The following TNFRSF1A variants were observed in gnomAD, a reference collection of about 807,000 sequenced individuals.
The protein encoded by TNFRSF1A is TNF receptor superfamily member 1A.
A neutral mutation model predicts 41.6 loss-of-function variants in TNFRSF1A; 9 were observed. The ratio of observed to expected loss-of-function variants is 0.22; its 90% CI spans 0.13 to 0.38. The LOEUF is 0.38. Ranked by LOEUF, TNFRSF1A falls within the 10% of genes least tolerant of loss-of-function variation. The probability of loss-of-function intolerance (pLI) is 1.00; values close to 1 mark genes in which losing one functional copy is unlikely to be tolerated. For missense variants in TNFRSF1A, 463 were observed against 591.5 expected (o/e 0.78, Z 2.25); for synonymous variants, 254 against 248.6 (o/e 1.02, Z -0.21).
rs1948188963 is a variant in TNFRSF1A, at chr12:6,341,091, C to G, written c.39+685G>C. On this transcript the variant is annotated intron_variant, in intron 1 of 9. Coordinates refer to ENST00000162749, the MANE Select transcript of TNFRSF1A (RefSeq NM_001065.4). The surrounding 1 kb of genome is among the most constrained non-coding windows in gnomAD (Gnocchi z 4.6). Reference sequence around the variant, plus strand: ...CAGCGGCTACCTGCCTAGCAGCAGGCAAAAGGGTAAAGAATGTCCCCAGGT... The same window carrying G: ...CAGCGGCTACCTGCCTAGCAGCAGGGAAAAGGGTAAAGAATGTCCCCAGGT... Among the ~76,000 whole-genome samples, 1 of 152,082 alleles carries G rather than the reference C, an allele frequency of 6.6e-6. No homozygotes were observed. Among genetic ancestry groups the G allele is most frequent in the East Asian group, 1.9e-4 (1 of 5,182 alleles).
rs550983807 is a variant in TNFRSF1A, at chr12:6,337,352, A to G, written c.40-3108T>C. Among the ~76,000 whole-genome samples the G allele has an allele frequency of 3.9e-4, 59 of 152,146 alleles. No homozygotes were observed. Among genetic ancestry groups the G allele is most frequent in the Non-Finnish European group, 6.9e-4 (47 of 67,986 alleles). ...GAGGGGGTGGCCCAACACCCCTCCA[A>G]CTCCCCCACAATTTCCGCCAGAGGA... On this transcript the variant is annotated intron_variant, in intron 1 of 9. Coordinates refer to ENST00000162749, the MANE Select transcript of TNFRSF1A (RefSeq NM_001065.4). The surrounding 1 kb of genome is among the most constrained non-coding windows in gnomAD (Gnocchi z 4.6).
rs1948097635 is a variant in TNFRSF1A, at chr12:6,334,699, T to TA, written c.40-456dup. ...ATTTTTAGTAGAGGCAGGGTCTTGT[T>TA]ACGTTGCTCAGACTGGTCTCAAAAT... On this transcript the variant is annotated intron_variant, in intron 1 of 9. Transcript: ENST00000162749. This position sits in a 1 kb window ranked among gnomAD's most constrained non-coding sequence, Gnocchi z 5.1. 6.6e-6 allele frequency among the ~76,000 whole-genome samples: 1 copy of TA among 152,140 alleles called. No individual in the cohort carries two copies. Among genetic ancestry groups the TA allele is most frequent in the South Asian group, 2.1e-4 (1 of 4,832 alleles).
chr12:6,329,064 G>T lies in TNFRSF1A; in HGVS notation c.*248C>A. 1 of 410,246 alleles carries T rather than the reference G, an allele frequency of 2.4e-6. No homozygotes were observed. Among genetic ancestry groups the T allele is most frequent in the Non-Finnish European group, 4.3e-6 (1 of 235,144 alleles). 25.4% of individuals were successfully genotyped at this position (410,246 alleles called of 1,614,324 possible). The stretch of plus-strand genomic sequence containing the variant: ...ACCCAAAACGGGCATGAGGCATAGC[G>T]TCCCTCATCCTCGCAAACCACCCAC... On this transcript the variant is annotated 3_prime_UTR_variant, in exon 10 of 10. Coordinates refer to ENST00000162749, the MANE Select transcript of TNFRSF1A (RefSeq NM_001065.4).
Position 6,329,956 on chromosome 12 carries a change from G to A in TNFRSF1A, c.879C>T (p.Phe293=). Residue 293 remains phenylalanine, a synonymous_variant, in exon 9 of 10, where the codon TTC becomes TTT. Coordinates refer to ENST00000162749, the MANE Select transcript of TNFRSF1A (RefSeq NM_001065.4). ...LGFSPVPSST[F]TSSSTYTPGD... ...CGGGGGTATAGGTGGAGCTGGAGGTGAAGGTGGAACTGGGCACGGGACTGA... is the reference window on the plus strand; with the variant it reads ...CGGGGGTATAGGTGGAGCTGGAGGTAAAGGTGGAACTGGGCACGGGACTGA... 6.3e-7 allele frequency: 1 copy of A among 1,577,610 alleles called. No individual in the cohort carries two copies. Among genetic ancestry groups the A allele is most frequent in the Non-Finnish European group, 8.6e-7 (1 of 1,160,008 alleles).
At position 6,330,930 on chromosome 12, in the gene TNFRSF1A, AAAG is replaced by A; in HGVS notation, c.552-7_552-5del. ...GCACTCCAGGCTTTTCTTACAGCTA[AAAG>A]AAGAGACGGCACTGGTGAACAGAGG... On this transcript the variant is annotated splice_polypyrimidine_tract_variant and splice_region_variant and intron_variant, in intron 5 of 9. Transcript: ENST00000162749. 6.2e-7 allele frequency: 1 copy of A among 1,613,346 alleles called. No homozygotes were observed. Among genetic ancestry groups the A allele is most frequent in the Non-Finnish European group, 8.5e-7 (1 of 1,179,892 alleles).
chr12:6,330,634 G>C lies in TNFRSF1A; in HGVS notation c.703C>G (p.Arg235Gly). The C allele has an allele frequency of 6.2e-7, 1 of 1,613,802 alleles. No homozygotes were observed. Residue 235 changes from arginine (R) to glycine (G), a missense_variant, in exon 7 of 10, where the codon CGC (arginine) becomes GGC (glycine). This residue lies in a region of TNFRSF1A where 149 missense variants were observed against 239.4 expected (regional missense o/e 0.62). Transcript: ENST00000162749. Reference sequence around the variant, plus strand: ...AGCTTGGACTTCCACCGTTGGTAGCGATACATTAAACCAATGAAGAGGAGG... The same window carrying C: ...AGCTTGGACTTCCACCGTTGGTAGCCATACATTAAACCAATGAAGAGGAGG... Reference protein sequence around the residue: ...LSLLFIGLMYRYQRWKSKLYS... With the variant: ...LSLLFIGLMYGYQRWKSKLYS...
At position 6,329,047 on chromosome 12, in the gene TNFRSF1A, C is replaced by T. The variant is rs996872017; in HGVS notation, c.*265G>A. On this transcript the variant is annotated 3_prime_UTR_variant, in exon 10 of 10. Coordinates refer to ENST00000162749, the MANE Select transcript of TNFRSF1A (RefSeq NM_001065.4). Reference sequence around the variant, plus strand: ...GCCTTGCTGGTGAGGACACCCAAAACGGGCATGAGGCATAGCGTCCCTCAT... The same window carrying T: ...GCCTTGCTGGTGAGGACACCCAAAATGGGCATGAGGCATAGCGTCCCTCAT... 17 of 398,712 alleles carry T rather than the reference C, an allele frequency of 4.3e-5. No individual in the cohort carries two copies. Among genetic ancestry groups the T allele is most frequent in the Admixed American group, 2.6e-4 (6 of 22,688 alleles). 24.7% of individuals were successfully genotyped at this position (398,712 alleles called of 1,614,324 possible).
rs373863440 is a variant in TNFRSF1A at position 6,333,340 on chromosome 12, G to C, written c.472+27C>G. On this transcript the variant is annotated intron_variant, in intron 4 of 9. Transcript: ENST00000162749. This position sits in a 1 kb window ranked among gnomAD's most constrained non-coding sequence, Gnocchi z 6.3. ...GGCCAACCCCTGGGGTGGGGAGAGG[G>C]CTTGGCCTCAGGAGAGCTGCGCTCA... 3.3e-5 allele frequency: 53 copies of C among 1,610,418 alleles called. No individual in the cohort carries two copies. Among genetic ancestry groups the C allele is most frequent in the Non-Finnish European group, 4.1e-5 (48 of 1,178,500 alleles).
chr12:6,333,381 G>A lies in TNFRSF1A; in HGVS notation c.458C>T (p.Thr153Ile), dbSNP rs1163127910. ...CFNCSLCLNG[T>I]VHLSCQEKQN... The stretch of plus-strand genomic sequence containing the variant: ...GCTGCGCTCACAGGAGAGGTGCACG[G>A]TCCCATTGAGGCAGAGGCTGCAATT... Residue 153 changes from threonine (T) to isoleucine (I), a missense_variant, in exon 4 of 10, where the codon ACC (threonine) becomes ATC (isoleucine). Coordinates refer to ENST00000162749, the MANE Select transcript of TNFRSF1A (RefSeq NM_001065.4). This position sits in a 1 kb window ranked among gnomAD's most constrained non-coding sequence, Gnocchi z 6.3. 1 of 1,613,760 alleles carries A rather than the reference G, an allele frequency of 6.2e-7. No individual in the cohort carries two copies. Among genetic ancestry groups the A allele is most frequent in the East Asian group, 2.2e-5 (1 of 44,860 alleles).
In TNFRSF1A at chr12:6,330,304, A is replaced by T; in HGVS notation, c.740-9T>A. On this transcript the variant is annotated splice_polypyrimidine_tract_variant and intron_variant, in intron 7 of 9. Coordinates refer to ENST00000162749, the MANE Select transcript of TNFRSF1A (RefSeq NM_001065.4). ...TGTCGATTTCCCACAAACTGAGGAA[A>T]AAGAAAGAAAGCATCATAAATTTCA... 2 of 1,612,926 alleles carry T rather than the reference A, an allele frequency of 1.2e-6. No homozygotes were observed. The highest frequency in any genetic ancestry group is 1.7e-6 in the Non-Finnish European group (2 of 1,179,098).
At chr12:6,332,503 G>A (rs577954468) in intron 5 of TNFRSF1A, among the ~76,000 whole-genome samples, 5 of 150,104 alleles carry the variant, frequency 3.3e-5, no homozygotes, top group South Asian at 4.2e-4. Context: ...CTTGCCCAAC[G>A]TCACATAGCC....
chr12:6,331,622 A>G (rs1948050730), intron 5 of TNFRSF1A: 1 of 167,898 alleles, frequency 6.0e-6, no homozygotes, highest in Non-Finnish European at 1.3e-5. Context: ...GTGAGTTCCC[A>G]GCAGGAAGCT....
chr12:6,340,397 T>C (rs1948179635), intron 1 of TNFRSF1A, among the ~76,000 whole-genome samples: 1 of 152,174 alleles, frequency 6.6e-6, no homozygotes, highest in South Asian at 2.1e-4. Context: ...AGGAGGTATG[T>C]GAGGGAGCCA....
Position 6,329,357 on chromosome 12 carries a change from A to G in TNFRSF1A, c.1323T>C (p.Leu441=), listed in dbSNP as rs1565465505. 17 of 1,488,920 alleles carry G rather than the reference A, an allele frequency of 1.1e-5. No individual in the cohort carries two copies. Among genetic ancestry groups the G allele is most frequent in the Non-Finnish European group, 1.5e-5 (17 of 1,129,016 alleles). 92.2% of individuals were successfully genotyped at this position (1,488,920 alleles called of 1,614,324 possible). A position where few individuals can be genotyped will look rare whatever the true frequency, so the allele number is the denominator to read the frequency against. Residue 441 remains leucine, a synonymous_variant, in exon 10 of 10, where the codon CTT becomes CTC. Transcript: ENST00000162749. ...LGCLEDIEEA[L]CGPAALPPAP... ...CGGGCGGGAGGGCGGCGGGGCCGCA[A>G]AGCGCCTCCTCGATGTCCTCCAGGC... is the stretch of plus-strand genomic sequence containing the variant.
chr12:6,339,461 TG>T (rs1435671317), intron 1 of TNFRSF1A, among the ~76,000 whole-genome samples: 23 of 152,004 alleles, frequency 1.5e-4, no homozygotes, highest in Non-Finnish European at 2.9e-4. Flanking sequence ...GACAGTCAGT[TG>T]TAGGCACTGA....
At position 6,329,996 on chromosome 12, in the gene TNFRSF1A, G is replaced by T. The variant is rs201399382; in HGVS notation, c.839C>A (p.Thr280Asn). 4.7e-5 allele frequency: 75 copies of T among 1,601,004 alleles called. 2 individuals are homozygous for T. Among genetic ancestry groups the T allele is most frequent in the Admixed American group, 1.7e-5 (1 of 58,264 alleles). Residue 280 changes from threonine to asparagine, a missense_variant, in exon 9 of 10, where the codon ACC (threonine) becomes AAC (asparagine). Thr to Asn is a moderately conservative substitution (Grantham distance 65). Transcript: ENST00000162749. ...CACGGGACTGAAGCCCAGGGTGGGG[G>T]TGAAGCCTGGAGTGGGACTGAAGCT... Reference protein sequence around the residue: ...NPSFSPTPGFTPTLGFSPVPS... With the variant: ...NPSFSPTPGFNPTLGFSPVPS...
chr12:6,329,811 C>A lies in TNFRSF1A; in HGVS notation c.1024G>T (p.Glu342Ter). The change falls in exon 9 of 10, where the codon GAG becomes TAG. Residue 342 changes from glutamate to a stop codon, truncating the protein, a stop_gained. Transcript: ENST00000162749. LOFTEE classifies it low-confidence loss of function (END_TRUNC). ...CTCTGTGGCTTGTGGGCGCTGTCCT[C>A]CCACTTCTGAAGGGGGTTGGGGATG... Reference protein sequence around the residue: ...DPIPNPLQKWEDSAHKPQSLD... With the variant: ...DPIPNPLQKW 6.2e-7 allele frequency: 1 copy of A among 1,604,000 alleles called. No homozygotes were observed. Among genetic ancestry groups the A allele is most frequent in the Non-Finnish European group, 8.5e-7 (1 of 1,176,652 alleles).
At chr12:6,331,008 T>G (rs886578010) in intron 5 of TNFRSF1A, 82 bp from the exon 6 acceptor site, 1 of 1,185,046 alleles carries the variant, frequency 8.4e-7, no homozygotes, top group Non-Finnish European at 1.2e-6. Context: ...TTGTTGGACA[T>G]CCTTTCTTTA....
intron 1 of TNFRSF1A, among the ~76,000 whole-genome samples, chr12:6,339,835 TCTCTCTCACACA>T (rs1437517177): frequency 3.9e-4 from 51 of 130,446 alleles, no homozygotes; most frequent in African/African-American, 1.9e-3. Flanking sequence ...TCTCTCTCTC[TCTCTCTCACACA>T]CACACACACA....
Sources: gnomAD v4.1 joint callset for allele counts (sites outside exome capture counted in the v4.1 genomes callset) on GRCh38, gnomAD v4.1.1 for gene constraint, gnomAD v4.1.1 regional missense constraint, Gnocchi (gnomAD v3.1) non-coding constraint, MANE v1.5 for transcripts, NCBI Gene and HGNC (gene_info 2026-07-23, HGNC 2026-07-21) for gene names.